USP34: variants seen among roughly 807,000 people sequenced by gnomAD.
The protein encoded by USP34 is ubiquitin specific peptidase 34.
In USP34, 70 loss-of-function variants were observed where a neutral mutation model predicts 460.3. The ratio of observed to expected loss-of-function variants is 0.15; its 90% confidence interval spans 0.13 to 0.19. The LOEUF (loss-of-function observed/expected upper bound fraction) is 0.19. USP34 is among the 10% of genes least tolerant of loss of function. The pLI is 1.00. For synonymous variants in USP34, 1,647 were observed against 1,405.3 expected, an observed-to-expected ratio of 1.17 and a Z score of -3.85; for missense variants, 3,985 against 4,236.2, an observed-to-expected ratio of 0.94 and a Z score of 1.65.
chr2:61,451,449 C>T (rs554973941), intron 1 of USP34, among the ~76,000 whole-genome samples: 3 of 151,792 alleles, frequency 2.0e-5, no homozygotes, highest in Non-Finnish European at 2.9e-5. Flanking sequence ...CTTCGGGAGG[C>T]CAAGGTGGGC....
chr2:61,262,812 C>T (rs1388405905), intron 43 of USP34, among the ~76,000 whole-genome samples: 2 of 152,192 alleles, frequency 1.3e-5, no homozygotes, highest in Non-Finnish European at 2.9e-5. Flanking sequence ...AGTGTATATG[C>T]ATTCCCTTTT....
chr2:61,422,663 C>T (rs1694396214), intron 1 of USP34, among the ~76,000 whole-genome samples: 1 of 152,154 alleles, frequency 6.6e-6, no homozygotes, highest in Admixed American at 6.5e-5. Context: ...GAAATCAAGT[C>T]ACTTCTGTCC....
At chr2:61,329,363 G>C (rs1355564318) in intron 20 of USP34, among the ~76,000 whole-genome samples, 2 of 152,112 alleles carry the variant, frequency 1.3e-5, no homozygotes, top group Non-Finnish European at 1.5e-5. Flanking sequence ...GTAATGTTTG[G>C]ATTCAAGAGG....
chr2:61,410,198 T>C (rs989303938), intron 2 of USP34, among the ~76,000 whole-genome samples: 1 of 152,116 alleles, frequency 6.6e-6, no homozygotes, highest in Non-Finnish European at 1.5e-5. Flanking sequence ...CACCATAATG[T>C]AGAATTAGTG....
chr2:61,426,880 A>C (rs571318990), intron 1 of USP34, among the ~76,000 whole-genome samples: 1 of 152,328 alleles, frequency 6.6e-6, no homozygotes, highest in Non-Finnish European at 1.5e-5. Context: ...TGTTTGGGAG[A>C]AAGTAAGGAA....
intron 30 of USP34, among the ~76,000 whole-genome samples, chr2:61,296,523 C>A (rs1690036148): frequency 6.6e-6 from 1 of 152,106 alleles, no homozygotes; most frequent in African/African-American, 2.4e-5. Context: ...ATATTAAAAG[C>A]ATACTGTAAT....
intron 10 of USP34, among the ~76,000 whole-genome samples, chr2:61,353,367 T>C (rs1692005941): frequency 6.6e-6 from 1 of 150,936 alleles, no homozygotes; most frequent in African/African-American, 2.4e-5. Flanking sequence ...ATACCTGAAG[T>C]CCACCTGTTG....
chr2:61,429,130 A>G (rs1408593468), intron 1 of USP34, among the ~76,000 whole-genome samples: 1 of 151,844 alleles, frequency 6.6e-6, no homozygotes, highest in Admixed American at 6.6e-5. Flanking sequence ...ACAAGACACT[A>G]TCTCTACTAA....
In USP34 at chr2:61,416,123, G is replaced by A. The variant is rs1231370555; in HGVS notation, c.131+4623C>T. Among the ~76,000 whole-genome samples the A allele has an allele frequency of 2.6e-5, 4 of 152,114 alleles. No individual in the cohort carries two copies. The East Asian group carries it at 7.7e-4, about 29-fold the overall frequency. On this transcript the variant is annotated intron_variant, in intron 2 of 79. Transcript: ENST00000398571. The stretch of plus-strand genomic sequence containing the variant: ...TCAACCTCACCAAAAATTGTTTTAT[G>A]TATGAGCTAATTTATGAAAAGAACT...
chr2:61,291,868 A>T (rs1041432001), intron 33 of USP34, among the ~76,000 whole-genome samples: 8 of 152,218 alleles, frequency 5.3e-5, no homozygotes, highest in African/African-American at 1.7e-4. Flanking sequence ...ATGGATAAAC[A>T]TGTAATATAA....
Position 61,421,940 on chromosome 2 carries a change from A to G in USP34, c.44-1107T>C, listed in dbSNP as rs142996735. ...TCCTCTCTGGTAATACTGATTAACC[A>G]AAAAGGGGTTTAAAAAAAAATTACC... On this transcript the variant is annotated intron_variant, in intron 1 of 79. Transcript: ENST00000398571. 9.8e-5 allele frequency among the ~76,000 whole-genome samples: 15 copies of G among 152,316 alleles called. No homozygotes were observed. The East Asian group carries it at 2.9e-3, about 29-fold the overall frequency.
At chr2:61,415,799 G>A (rs991366756) in intron 2 of USP34, among the ~76,000 whole-genome samples, 12 of 152,092 alleles carry the variant, frequency 7.9e-5, no homozygotes, top group Admixed American at 3.3e-4. Flanking sequence ...CAGTTTTACC[G>A]TTATTTCCAG....
intron 1 of USP34, among the ~76,000 whole-genome samples, chr2:61,446,095 CAG>C (rs59283750): frequency 0.14 from 16,953 of 120,396 alleles, 1,423 homozygotes; most frequent in East Asian, 0.42. Flanking sequence ...GTCTGGGTGA[CAG>C]AGTCAGACTC....
intron 10 of USP34, among the ~76,000 whole-genome samples, chr2:61,360,273 A>T (rs1262958576): frequency 6.6e-6 from 1 of 152,188 alleles, no homozygotes; most frequent in Admixed American, 6.5e-5. Flanking sequence ...TTTACAAATG[A>T]TCATATATAT....
At chr2:61,318,067 G>C (rs548685007) in intron 22 of USP34, among the ~76,000 whole-genome samples, 1 of 151,526 alleles carries the variant, frequency 6.6e-6, no homozygotes, top group Non-Finnish European at 1.5e-5. Context: ...GTGGTGTGTG[G>C]CTGTAGTCCC....
At chr2:61,435,749 C>T (rs1302560578) in intron 1 of USP34, among the ~76,000 whole-genome samples, 1 of 152,174 alleles carries the variant, frequency 6.6e-6, no homozygotes, top group Non-Finnish European at 1.5e-5. Context: ...TATACACTGG[C>T]CATGCGCAGT....
chr2:61,419,213 G>C (rs1694288357), intron 2 of USP34, among the ~76,000 whole-genome samples: 1 of 151,924 alleles, frequency 6.6e-6, no homozygotes, highest in African/African-American at 2.4e-5. Flanking sequence ...TAGAGATGGG[G>C]TCTCGCCCTG....
At chr2:61,262,714 G>A (rs1688928956) in intron 43 of USP34, among the ~76,000 whole-genome samples, 1 of 152,156 alleles carries the variant, frequency 6.6e-6, no homozygotes, top group Non-Finnish European at 1.5e-5. Context: ...TGGAATAGCT[G>A]AGCCGAATAG....
chr2:61,234,491 AT>A (rs1306780594), intron 57 of USP34, among the ~76,000 whole-genome samples: 3 of 151,430 alleles, frequency 2.0e-5, no homozygotes, highest in Admixed American at 6.6e-5. Flanking sequence ...GGATAGGTGA[AT>A]TTTTTTTTGG....
Sources: allele counts gnomAD v4.1 joint callset (sites outside exome capture counted in the v4.1 genomes callset), GRCh38; gene constraint gnomAD v4.1.1; transcripts MANE v1.5; gene names NCBI Gene and HGNC (gene_info 2026-07-23, HGNC 2026-07-21).